Variants in CFAP52 observed in about 807,000 individuals in gnomAD.
CFAP52 encodes the protein cilia- and flagella-associated protein 52.
In CFAP52, 57 loss-of-function variants were observed where a neutral mutation model predicts 70.5. The ratio of observed to expected loss-of-function variants is 0.81; its 90% CI spans 0.65 to 1.01. The LOEUF (loss-of-function observed/expected upper bound fraction) is 1.01, where lower values mean the gene tolerates loss of function less well. CFAP52 is among the 50% of genes least tolerant of loss of function. CFAP52 has a pLI of 0.00. For synonymous variants in CFAP52, 267 were observed against 292.5 expected, an observed-to-expected ratio of 0.91 and a Z score of 0.89; for missense variants, 785 against 788.5, an observed-to-expected ratio of 1.00 and a Z score of 0.05.
chr17:9,588,069 A>C (rs904795585), intron 3 of CFAP52, among the ~76,000 whole-genome samples: 2 of 152,170 alleles, frequency 1.3e-5, no homozygotes, highest in Non-Finnish European at 2.9e-5. Flanking sequence ...AAGTGGCCAG[A>C]GTGAGCATCT....
intron 3 of CFAP52, among the ~76,000 whole-genome samples, chr17:9,589,748 A>T (rs1908658587): frequency 1.3e-5 from 2 of 148,834 alleles, no homozygotes; most frequent in South Asian, 2.1e-4. Flanking sequence ...AAAAAAAAAA[A>T]AAAAAAGAAA....
chr17:9,615,792 A>G (rs1166041682), intron 8 of CFAP52, among the ~76,000 whole-genome samples: 1 of 88,296 alleles, frequency 1.1e-5, no homozygotes, highest in African/African-American at 5.2e-5. Flanking sequence ...CAAAAAAAAA[A>G]TTCTTTTTTT....
chr17:9,576,731 G>C lies in CFAP52; in HGVS notation c.36G>C (p.Ala12=), dbSNP rs754404537. 6.2e-7 allele frequency: 1 copy of C among 1,612,482 alleles called. No individual in the cohort carries two copies. The highest frequency in any genetic ancestry group is 2.2e-5 in the East Asian group (1 of 44,674). ...AAATTTCGCCGGAGGCCCAAGTGGCGGAGCTGGAACTTGACGCCGTGATCG... is the reference window on the plus strand; with the variant it reads ...AAATTTCGCCGGAGGCCCAAGTGGCCGAGCTGGAACTTGACGCCGTGATCG... ...DNKISPEAQV[A]ELELDAVIGF... The change falls in exon 1 of 14, where the codon GCG becomes GCC. Residue 12 remains alanine, a synonymous_variant. Transcript: ENST00000352665.
chr17:9,603,932 C>T (rs886684302), intron 6 of CFAP52, among the ~76,000 whole-genome samples: 2 of 152,038 alleles, frequency 1.3e-5, no homozygotes, highest in Admixed American at 1.3e-4. Context: ...GTAATCAAGA[C>T]AGTGTAGGGT....
intron 8 of CFAP52, among the ~76,000 whole-genome samples, chr17:9,624,710 AT>A (rs1910174126): frequency 6.6e-6 from 1 of 152,014 alleles, no homozygotes; most frequent in African/African-American, 2.4e-5. Flanking sequence ...TTTTTGAGTC[AT>A]ATTTTCCTAT....
intron 1 of CFAP52, among the ~76,000 whole-genome samples, chr17:9,579,389 G>T (rs79441288): frequency 0.028 from 4,310 of 152,170 alleles, 220 homozygotes; most frequent in African/African-American, 0.098. Context: ...AATAGCTTGG[G>T]GTGGCTTCAG....
intron 5 of CFAP52, 108 bp from the exon 6 acceptor site, chr17:9,599,959 T>C (rs1415890494): frequency 1.2e-6 from 1 of 829,972 alleles, no homozygotes; most frequent in Non-Finnish European, 2.0e-6. Context: ...CAGTCTGGTC[T>C]TGAACTCCTG....
intron 8 of CFAP52, among the ~76,000 whole-genome samples, chr17:9,616,022 C>CG (rs529646284): frequency 1.1e-3 from 168 of 151,422 alleles, no homozygotes; most frequent in African/African-American, 4.0e-3. Flanking sequence ...GGAACAGCTC[C>CG]GGTCTACAGC....
At chr17:9,578,320 CCT>C (rs1908058448) in intron 1 of CFAP52, among the ~76,000 whole-genome samples, 1 of 152,140 alleles carries the variant, frequency 6.6e-6, no homozygotes. Context: ...AAGTGGGAAG[CCT>C]CAGTAAACTG....
chr17:9,581,374 T>C (rs1908220221), intron 1 of CFAP52, among the ~76,000 whole-genome samples: 1 of 152,208 alleles, frequency 6.6e-6, no homozygotes, highest in African/African-American at 2.4e-5. Context: ...TGCAATTTGA[T>C]ACTGTACAAT....
chr17:9,586,080 C>A, intron 2 of CFAP52, 108 bp downstream of exon 2: 1 of 1,132,006 alleles, frequency 8.8e-7, no homozygotes. Flanking sequence ...CTTTATTCTT[C>A]CTTCTTCTTC....
chr17:9,633,435 C>T (rs1910640487), intron 10 of CFAP52, among the ~76,000 whole-genome samples: 1 of 152,052 alleles, frequency 6.6e-6, no homozygotes, highest in South Asian at 2.1e-4. Flanking sequence ...AAACTCCTGA[C>T]CTCAGATGAT....
At chr17:9,631,028 A>AGAG (rs1910479353) in intron 9 of CFAP52, among the ~76,000 whole-genome samples, 1 of 44,736 alleles carries the variant, frequency 2.2e-5, no homozygotes, top group African/African-American at 1.2e-4. Context: ...GAAAGAAAGA[A>AGAG]AGAGAGAGAG....
intron 3 of CFAP52, among the ~76,000 whole-genome samples, chr17:9,589,656 C>G (rs1262131162): frequency 6.6e-6 from 1 of 151,584 alleles, no homozygotes; most frequent in Non-Finnish European, 1.5e-5. Context: ...TTGCTTGAAC[C>G]TGGGAGGCGG....
intron 8 of CFAP52, 144 bp from the exon 9 acceptor site, chr17:9,628,527 CT>C: frequency 1.9e-6 from 2 of 1,063,258 alleles, no homozygotes; most frequent in Non-Finnish European, 2.7e-6. Context: ...ATCCACCCCC[CT>C]GGCCTCCCAA....
At position 9,585,671 on chromosome 17, in the gene CFAP52, A is replaced by T. The variant is rs574519687; in HGVS notation, c.71-102A>T. 402 of 681,482 alleles carry T rather than the reference A, an allele frequency of 5.9e-4. 2 individuals carry two copies. The South Asian group carries it at 0.01, about 18-fold the overall frequency. 42.2% of individuals were successfully genotyped at this position (681,482 alleles called of 1,614,324 possible). A position where few individuals can be genotyped will look rare whatever the true frequency, so the allele number is the denominator to read the frequency against. ...TGGGTGACAAGTGCAAGACTCTGTCACACACACACACACACACAAAGTGTT... is the reference window on the plus strand; with the variant it reads ...TGGGTGACAAGTGCAAGACTCTGTCTCACACACACACACACACAAAGTGTT... On this transcript the variant is annotated intron_variant, in intron 1 of 13. Coordinates refer to ENST00000352665, the MANE Select transcript of CFAP52 (RefSeq NM_145054.5).
chr17:9,598,037 T>C (rs552835578), intron 4 of CFAP52, among the ~76,000 whole-genome samples, 197 bp from the exon 5 acceptor site: 1 of 152,162 alleles, frequency 6.6e-6, no homozygotes, highest in South Asian at 2.1e-4. Flanking sequence ...CTCCGCACTT[T>C]CTAATTTGGG....
chr17:9,613,105 G>GC (rs1909774302), intron 8 of CFAP52, among the ~76,000 whole-genome samples: 1 of 151,850 alleles, frequency 6.6e-6, no homozygotes, highest in African/African-American at 2.4e-5. Flanking sequence ...CAGGCATATA[G>GC]CCCCATCTTA....
chr17:9,581,144 G>A lies in CFAP52; in HGVS notation c.70+4379G>A, dbSNP rs754403920. ...ATCCTGGCTAACACGGTGAAACCCC[G>A]TCTCTACTAAAAATACCAAAAAATT... is the stretch of plus-strand genomic sequence containing the variant. On this transcript the variant is annotated intron_variant, in intron 1 of 13. Transcript: ENST00000352665. Among the ~76,000 whole-genome samples, 9 of 152,176 alleles carry A rather than the reference G, an allele frequency of 5.9e-5. No homozygotes were observed. In the East Asian group the frequency reaches 9.7e-4, roughly 16 times the overall value.
Sources: allele counts gnomAD v4.1 joint callset (sites outside exome capture counted in the v4.1 genomes callset), GRCh38; gene constraint gnomAD v4.1.1; transcripts MANE v1.5; gene names NCBI Gene and HGNC (gene_info 2026-07-23, HGNC 2026-07-21).